The following BNIP5 variants were observed in gnomAD, a reference collection of about 807,000 sequenced individuals.
BNIP5 encodes the protein BCL2 interacting protein 5.
Under a neutral mutation model 67.3 loss-of-function variants are expected in BNIP5, and 61 were observed. That is an observed-to-expected ratio of 0.91 (90% CI 0.74 to 1.12). The LOEUF (loss-of-function observed/expected upper bound fraction) is 1.12, where lower values mean the gene tolerates loss of function less well. BNIP5 is among the 50% of genes most tolerant of loss of function. The probability of loss-of-function intolerance (pLI) is 0.00; values close to 1 mark genes in which losing one functional copy is unlikely to be tolerated. For missense variants in BNIP5, 826 were observed against 816.3 expected, an observed-to-expected ratio of 1.01 and a Z score of -0.14; for synonymous variants, 317 against 319.0, an observed-to-expected ratio of 0.99 and a Z score of 0.07.
At chr6:36,331,957 C>A (rs1294055759) in intron 1 of BNIP5, among the ~76,000 whole-genome samples, 1 of 152,192 alleles carries the variant, frequency 6.6e-6, no homozygotes, top group Non-Finnish European at 1.5e-5. Context: ...TGAGCTGTTA[C>A]CACCACCTCC....
chr6:36,326,450 G>A lies in BNIP5; in HGVS notation c.1036+60C>T, dbSNP rs375221254. 41 of 1,601,888 alleles carry A rather than the reference G, an allele frequency of 2.6e-5. No individual in the cohort carries two copies. The East Asian group carries it at 2.7e-4, about 10-fold the overall frequency. The stretch of plus-strand genomic sequence containing the variant: ...TAAAATGGTCAATTCCATCCCCAGG[G>A]AAGGTTCCAGAGCTGGAGGCAGCTG... On this transcript the variant is annotated intron_variant, in intron 5 of 11. Transcript: ENST00000437635.
At position 36,330,066 on chromosome 6, in the gene BNIP5, G is replaced by T; in HGVS notation, c.610+15C>A. Reference sequence around the variant, plus strand: ...ACCCTAGGGGTTGCCATAGGAACAGGCACGGTCCGCTCACCCCTGCGAGCT... The same window carrying T: ...ACCCTAGGGGTTGCCATAGGAACAGTCACGGTCCGCTCACCCCTGCGAGCT... On this transcript the variant is annotated intron_variant, in intron 2 of 11. Coordinates refer to ENST00000437635, the MANE Select transcript of BNIP5 (RefSeq NM_001010903.5). 6.3e-7 allele frequency: 1 copy of T among 1,583,014 alleles called. No homozygotes were observed.
chr6:36,321,456 G>C (rs1771635048), intron 9 of BNIP5, among the ~76,000 whole-genome samples: 2 of 152,154 alleles, frequency 1.3e-5, no homozygotes, highest in African/African-American at 4.8e-5. Flanking sequence ...GGTTTGCTGG[G>C]CCTCACCTGT....
At chr6:36,321,243 A>C (rs761822630) in intron 9 of BNIP5, 24 bp from the exon 10 acceptor site, 7 of 1,567,178 alleles carry the variant, frequency 4.5e-6, no homozygotes, top group Non-Finnish European at 6.1e-6. Flanking sequence ...AGGAGGATTG[A>C]GTGACTGTTG....
At position 36,323,381 on chromosome 6, in the gene BNIP5, A is replaced by G; in HGVS notation, c.1383T>C (p.Ala461=). 1.2e-6 allele frequency: 2 copies of G among 1,614,274 alleles called. No homozygotes were observed. Among genetic ancestry groups the G allele is most frequent in the Non-Finnish European group, 1.7e-6 (2 of 1,180,044 alleles). Residue 461 remains alanine, a synonymous_variant, in exon 8 of 12, where the codon GCT becomes GCC. Transcript: ENST00000437635. ...KEPRRAGAAG[A]ASPEARRPKR... ...TGGGTCGTCGGGCCTCTGGGCTGGC[A>G]GCCCCTGCTGCCCCCGCTCTTCTGG...
rs1771737703 is a variant in BNIP5, at chr6:36,325,345, G to A, written c.1106C>T (p.Pro369Leu). Reference sequence around the variant, plus strand: ...AGGTTCCTGGCTCTCTGATGGGGTGGGAAGCACGGAGGGACCTGGAGCCCC... The same window carrying A: ...AGGTTCCTGGCTCTCTGATGGGGTGAGAAGCACGGAGGGACCTGGAGCCCC... ...EAGAPGPSVL[P>L]TPSESQEPGE... Residue 369 changes from proline (P) to leucine (L), a missense_variant, in exon 6 of 12, where the codon CCC becomes CTC. Transcript: ENST00000437635. 1 of 1,614,004 alleles carries A rather than the reference G, an allele frequency of 6.2e-7. No individual in the cohort carries two copies. The highest frequency in any genetic ancestry group is 1.7e-5 in the Admixed American group (1 of 60,004).
chr6:36,324,319 G>T, intron 6 of BNIP5, 129 bp from the exon 7 acceptor site: 1 of 777,060 alleles, frequency 1.3e-6, no homozygotes, highest in Non-Finnish European at 2.2e-6. Flanking sequence ...TGCCAGAGGT[G>T]GCCTGAGGGC....
In BNIP5 at chr6:36,317,343, C is replaced by T; in HGVS notation, c.*13G>A. 6.2e-7 allele frequency: 1 copy of T among 1,611,434 alleles called. No homozygotes were observed. Among genetic ancestry groups the T allele is most frequent in the South Asian group, 1.1e-5 (1 of 91,036 alleles). On this transcript the variant is annotated 3_prime_UTR_variant, in exon 12 of 12. Transcript: ENST00000437635. Reference sequence around the variant, plus strand: ...TGGCTAGTTCAAGGGAATTTGAGTGCAAGACACAGCTTTCAATCTGGACTT... The same window carrying T: ...TGGCTAGTTCAAGGGAATTTGAGTGTAAGACACAGCTTTCAATCTGGACTT...
rs567507862 is a variant in BNIP5, at chr6:36,336,462, G to A, written c.-5+250C>T. Among the ~76,000 whole-genome samples, 247 of 152,220 alleles carry A rather than the reference G, an allele frequency of 1.6e-3. 2 individuals carry two copies. The highest frequency in any genetic ancestry group is 2.1e-3 in the Non-Finnish European group (143 of 68,000). ...GACTTGAATACAGAGTTTTAAGTCCGAGTGAGCCCAGAGCCCTTTGAGAAA... is the reference window on the plus strand; with the variant it reads ...GACTTGAATACAGAGTTTTAAGTCCAAGTGAGCCCAGAGCCCTTTGAGAAA... On this transcript the variant is annotated intron_variant, in intron 1 of 11. Transcript: ENST00000437635.
At chr6:36,323,824 A>G (rs1422644224) in intron 7 of BNIP5, among the ~76,000 whole-genome samples, 1 of 151,724 alleles carries the variant, frequency 6.6e-6, no homozygotes, top group Non-Finnish European at 1.5e-5. Flanking sequence ...ATATGGTAAA[A>G]CCCTGTCTCT....
Position 36,328,632 on chromosome 6 carries a change from A to G in BNIP5, c.693T>C (p.Gly231=), listed in dbSNP as rs1582132165. The G allele has an allele frequency of 6.2e-7, 1 of 1,613,908 alleles. No homozygotes were observed. Residue 231 remains glycine, a synonymous_variant, in exon 3 of 12, where the codon GGT becomes GGC. Transcript: ENST00000437635. ...GALDVSPHAT[G]HQQEEELKKP... is the part of the protein sequence containing the mutation. ...TTTTGAGCTCCTCTTCTTGCTGATGACCTGTGGCATGGGGAGAAACATCCA... is the reference window on the plus strand; with the variant it reads ...TTTTGAGCTCCTCTTCTTGCTGATGGCCTGTGGCATGGGGAGAAACATCCA...
At chr6:36,319,156 G>C (rs1428490642) in intron 11 of BNIP5, among the ~76,000 whole-genome samples, 200 bp downstream of exon 11, 2 of 152,148 alleles carry the variant, frequency 1.3e-5, no homozygotes, top group Admixed American at 1.3e-4. Flanking sequence ...AAATCAGTGA[G>C]GTTTCAGAAA....
chr6:36,316,847 A>G lies in BNIP5; in HGVS notation c.*509T>C, dbSNP rs1188860313. 1.0e-5 allele frequency: 4 copies of G among 400,584 alleles called. No individual in the cohort carries two copies. The highest frequency in any genetic ancestry group is 1.8e-5 in the Non-Finnish European group (4 of 227,446). 24.8% of individuals were successfully genotyped at this position (400,584 alleles called of 1,614,324 possible). A position where few individuals can be genotyped will look rare whatever the true frequency, so the allele number is the denominator to read the frequency against. ...TGCAGAGTTCCTGGGAGGCATCTACAAATCCATATGAGCATGAAGAACTAC... is the reference window on the plus strand; with the variant it reads ...TGCAGAGTTCCTGGGAGGCATCTACGAATCCATATGAGCATGAAGAACTAC... On this transcript the variant is annotated 3_prime_UTR_variant, in exon 12 of 12. Coordinates refer to ENST00000437635, the MANE Select transcript of BNIP5 (RefSeq NM_001010903.5).
In BNIP5 at chr6:36,319,584, C is replaced by A. The variant is rs779512450; in HGVS notation, c.1695G>T (p.Arg565Ser). 3 of 1,612,610 alleles carry A rather than the reference C, an allele frequency of 1.9e-6. No homozygotes were observed. The highest frequency in any genetic ancestry group is 1.7e-6 in the Non-Finnish European group (2 of 1,178,842). ...QQIRRHPSFK[R>S]FFYEFSDSSL... ...AGGAGTCCGAGAACTCGTAAAAAAA[C>A]CTCTTAAAGCTGGGGTGGCGCCTGA... Residue 565 changes from arginine to serine, a missense_variant, in exon 11 of 12, where the codon AGG becomes AGT. Transcript: ENST00000437635.
At position 36,326,881 on chromosome 6, in the gene BNIP5, C is replaced by G. The variant is rs980043913; in HGVS notation, c.793-128G>C. On this transcript the variant is annotated intron_variant, in intron 4 of 11. Coordinates refer to ENST00000437635, the MANE Select transcript of BNIP5 (RefSeq NM_001010903.5). ...AGAGGGGAGGCAGCAGAGCCCAGAG[C>G]AGGGGGAGGGCTGAGTTCTGAAGCT... is the stretch of plus-strand genomic sequence containing the variant. 3.4e-6 allele frequency: 5 copies of G among 1,459,284 alleles called. No homozygotes were observed. In the African/African-American group the frequency reaches 7.0e-5, roughly 21 times the overall value. The allele number at this position is 1,459,284 out of a possible 1,614,324, so 90.4% of individuals were successfully genotyped here. A position where few individuals can be genotyped will look rare whatever the true frequency, so the allele number is the denominator to read the frequency against.
chr6:36,326,469 G>A (rs1455110645), intron 5 of BNIP5, 41 bp downstream of exon 5: 3 of 1,610,328 alleles, frequency 1.9e-6, no homozygotes, highest in Non-Finnish European at 1.7e-6. Context: ...AGAGCTGGAG[G>A]CAGCTGCAGG....
intron 9 of BNIP5, 148 bp downstream of exon 9, chr6:36,322,163 C>T (rs1243439170): frequency 2.0e-6 from 2 of 979,908 alleles, no homozygotes; most frequent in Non-Finnish European, 3.2e-6. Context: ...AAGCCTGTGC[C>T]CCCTGCCCCA....
intron 3 of BNIP5, among the ~76,000 whole-genome samples, chr6:36,327,837 C>CTT (rs35688804): frequency 2.3e-4 from 32 of 137,360 alleles, no homozygotes; most frequent in Non-Finnish European, 3.2e-4. Context: ...TGTGGGTTTG[C>CTT]TTTTTTTTTT....
Position 36,317,006 on chromosome 6 carries a change from T to A in BNIP5, c.*350A>T, listed in dbSNP as rs1771528700. On this transcript the variant is annotated 3_prime_UTR_variant, in exon 12 of 12. Transcript: ENST00000437635. ...GTTAACATGAACATCTGAGAAAATA[T>A]CAGTAGGCCTTCTGGGTGGGATCCT... The A allele has an allele frequency of 2.3e-6, 1 of 431,398 alleles. No homozygotes were observed. The highest frequency in any genetic ancestry group is 4.1e-6 in the Non-Finnish European group (1 of 245,960). 26.7% of individuals were successfully genotyped at this position (431,398 alleles called of 1,614,324 possible). A position where few individuals can be genotyped will look rare whatever the true frequency, so the allele number is the denominator to read the frequency against.
Sources: gnomAD v4.1 joint callset for allele counts (sites outside exome capture counted in the v4.1 genomes callset) on GRCh38, gnomAD v4.1.1 for gene constraint, MANE v1.5 for transcripts, NCBI Gene and HGNC (gene_info 2026-07-23, HGNC 2026-07-21) for gene names.